Variants in GUF1 observed in about 807,000 individuals in gnomAD.
GUF1 encodes the protein GTP binding elongation factor GUF1, also known as translation factor GUF1, mitochondrial.
A neutral mutation model predicts 82.4 loss-of-function variants in GUF1; 78 were observed. That is an observed-to-expected ratio of 0.95 (90% CI 0.79 to 1.14). The LOEUF is 1.14. GUF1 is among the 50% of genes most tolerant of loss of function. GUF1 has a pLI of 0.00. For synonymous variants in GUF1, 279 were observed against 282.3 expected (o/e 0.99, Z 0.12); for missense variants, 814 against 798.2 (o/e 1.02, Z -0.24).
intron 13 of GUF1, among the ~76,000 whole-genome samples, chr4:44,693,244 T>C (rs571439590): frequency 1.1e-4 from 17 of 152,064 alleles, no homozygotes; most frequent in Non-Finnish European, 2.1e-4. Context: ...AAGGAAACAC[T>C]AGAATACCTA....
intron 15 of GUF1, 27 bp downstream of exon 15, chr4:44,695,761 G>T: frequency 6.2e-7 from 1 of 1,603,072 alleles, no homozygotes; most frequent in Non-Finnish European, 8.5e-7. Flanking sequence ...TTTTGGTCTT[G>T]AGCCAGTTTC....
At chr4:44,697,485 T>A in intron 16 of GUF1, 41 bp downstream of exon 16, 1 of 1,141,678 alleles carries the variant, frequency 8.8e-7, no homozygotes, top group Non-Finnish European at 1.3e-6. Flanking sequence ...ATAACTTTTA[T>A]GGGCTTTAAA....
intron 7 of GUF1, 113 bp downstream of exon 7, chr4:44,686,136 G>A (rs1285696564): frequency 2.7e-6 from 2 of 746,102 alleles, no homozygotes; most frequent in Non-Finnish European, 4.6e-6. Context: ...CTTAATGGAT[G>A]TGGCAAATAT....
intron 9 of GUF1, 84 bp from the exon 10 acceptor site, chr4:44,689,202 T>G: frequency 8.1e-7 from 1 of 1,230,262 alleles, no homozygotes; most frequent in African/African-American, 1.5e-5. Context: ...ATGACTAATT[T>G]GGAACTTGGC....
chr4:44,686,371 A>T (rs1045414088), intron 7 of GUF1, 139 bp from the exon 8 acceptor site: 12 of 503,708 alleles, frequency 2.4e-5, no homozygotes, highest in African/African-American at 7.8e-5. Context: ...AATATATTTT[A>T]TAAAAAGGTC....
rs1714561173 is a variant in GUF1, at chr4:44,678,542, C to T, written c.-81C>T. On this transcript the variant is annotated 5_prime_UTR_variant, in exon 1 of 17. The change creates a new upstream start codon in the 5' untranslated region. Transcript: ENST00000281543. Reference sequence around the variant, plus strand: ...TTTGAGTCCTGTCCACCGGATCCTACGGGGGGTACCTTCGAAAAAAAACGG... The same window carrying T: ...TTTGAGTCCTGTCCACCGGATCCTATGGGGGGTACCTTCGAAAAAAAACGG... 2 of 1,156,586 alleles carry T rather than the reference C, an allele frequency of 1.7e-6. No individual in the cohort carries two copies. The highest frequency in any genetic ancestry group is 4.3e-5 in the South Asian group (2 of 47,042). The allele number at this position is 1,156,586 out of a possible 1,614,324, so 71.6% of individuals were successfully genotyped here.
Position 44,696,531 on chromosome 4 carries a change from C to A in GUF1, c.1835+797C>A, listed in dbSNP as rs930202567. ...TTCCCATTTCCTTTCCTTAATGATC[C>A]TAAGACTTCTAGGAAATAGGAAGTA... On this transcript the variant is annotated intron_variant, in intron 15 of 16. Transcript: ENST00000281543. 2.0e-5 allele frequency among the ~76,000 whole-genome samples: 3 copies of A among 152,108 alleles called. No homozygotes were observed. In the East Asian group the frequency reaches 5.8e-4, roughly 29 times the overall value.
chr4:44,700,693 C>T lies in GUF1; in HGVS notation c.*2012C>T, dbSNP rs1446263412. 6.6e-6 allele frequency: 1 copy of T among 152,148 alleles called. No homozygotes were observed. Among genetic ancestry groups the T allele is most frequent in the African/African-American group, 2.4e-5 (1 of 41,420 alleles). 9.4% of individuals were successfully genotyped at this position (152,148 alleles called of 1,614,324 possible). On this transcript the variant is annotated 3_prime_UTR_variant, in exon 17 of 17. Coordinates refer to ENST00000281543, the MANE Select transcript of GUF1 (RefSeq NM_021927.3). ...CTTTCTAAACTGACTTGAGAGCTGT[C>T]TCAGATATTTTGAGCTTACAGTTAT...
chr4:44,680,454 T>C lies in GUF1; in HGVS notation c.179T>C (p.Met60Thr), dbSNP rs1417096849. 1.3e-6 allele frequency: 2 copies of C among 1,590,872 alleles called. No individual in the cohort carries two copies. Among genetic ancestry groups the C allele is most frequent in the South Asian group, 2.3e-5 (2 of 88,440 alleles). The change falls in exon 2 of 17, where the codon ATG becomes ACG. Residue 60 changes from methionine (M) to threonine (T), a missense_variant. By Grantham distance (81) the Met-to-Thr change is moderately conservative. Coordinates refer to ENST00000281543, the MANE Select transcript of GUF1 (RefSeq NM_021927.3). The part of the protein sequence containing the change: ...SSAEFKEKLD[M>T]SRFPVENIRN... ...TCCCCTTTCTAGGAAAAACTTGACA[T>C]GTCTAGGTTTCCTGTTGAAAATATT...
rs1053870959 is a variant in GUF1, at chr4:44,678,614, G to A, written c.-9G>A. On this transcript the variant is annotated 5_prime_UTR_variant, in exon 1 of 17. Transcript: ENST00000281543. ...GGTACCCTCTCCTGACGCCTCCGCC[G>A]CCCGGGTCATGTGGACCCTCGTGGG... The A allele has an allele frequency of 1.4e-6, 2 of 1,446,982 alleles. No individual in the cohort carries two copies. Among genetic ancestry groups the A allele is most frequent in the Non-Finnish European group, 1.8e-6 (2 of 1,109,728 alleles). The allele number at this position is 1,446,982 out of a possible 1,614,324, so 89.6% of individuals were successfully genotyped here.
rs969904120 is a variant in GUF1, at chr4:44,700,008, G to T, written c.*1327G>T. Reference sequence around the variant, plus strand: ...CAGCTCCCATGTTTATTCAGCCAACGAACAAACCAGACTGCAGACTGTATT... The same window carrying T: ...CAGCTCCCATGTTTATTCAGCCAACTAACAAACCAGACTGCAGACTGTATT... On this transcript the variant is annotated 3_prime_UTR_variant, in exon 17 of 17. Transcript: ENST00000281543. 4.6e-5 allele frequency: 7 copies of T among 152,164 alleles called. No individual in the cohort carries two copies. The highest frequency in any genetic ancestry group is 1.7e-4 in the African/African-American group (7 of 41,428). The allele number at this position is 152,164 out of a possible 1,614,324, so 9.4% of individuals were successfully genotyped here.
chr4:44,678,845 C>G, intron 1 of GUF1, 58 bp downstream of exon 1: 1 of 1,482,068 alleles, frequency 6.7e-7, no homozygotes, highest in Non-Finnish European at 9.0e-7. Context: ...GTGCCCCATG[C>G]GATCTTGGAC....
intron 9 of GUF1, among the ~76,000 whole-genome samples, chr4:44,689,003 TC>T (rs1715242647): frequency 1.8e-5 from 2 of 111,584 alleles, no homozygotes; most frequent in African/African-American, 5.6e-5. Flanking sequence ...TAGGCCTAAT[TC>T]CCATGTTTTT....
chr4:44,694,764 A>G (rs910537676), intron 14 of GUF1, among the ~76,000 whole-genome samples: 2 of 151,582 alleles, frequency 1.3e-5, no homozygotes, highest in Non-Finnish European at 2.9e-5. Flanking sequence ...AGTTTTAAAC[A>G]TTTTATAATG....
In GUF1 at chr4:44,686,692, A is replaced by T; in HGVS notation, c.917A>T (p.Asn306Ile). Residue 306 changes from asparagine (N) to isoleucine (I), a missense_variant, in exon 8 of 17, where the codon AAT becomes ATT. Coordinates refer to ENST00000281543, the MANE Select transcript of GUF1 (RefSeq NM_021927.3). ...EVNEVGVLNP[N>I]EQPTHKLYAG... ...AATGAAGTAGGAGTCTTGAATCCTA[A>T]TGAGCAGCCAACTCATAAATTGTAA... is the stretch of plus-strand genomic sequence containing the variant. 1 of 1,605,694 alleles carries T rather than the reference A, an allele frequency of 6.2e-7. No homozygotes were observed. Among genetic ancestry groups the T allele is most frequent in the Non-Finnish European group, 8.5e-7 (1 of 1,172,878 alleles).
At chr4:44,692,967 TGTC>T (rs567019748) in intron 13 of GUF1, among the ~76,000 whole-genome samples, 92 of 152,160 alleles carry the variant, frequency 6.0e-4, no homozygotes, top group East Asian at 2.3e-3. Context: ...TAAAAAGCCT[TGTC>T]GTTTGGAAAC....
intron 5 of GUF1, chr4:44,682,691 C>G (rs759884337): frequency 9.2e-5 from 20 of 218,236 alleles, no homozygotes; most frequent in Non-Finnish European, 1.4e-4. Flanking sequence ...TCAGATTAAA[C>G]CATACATAGG....
At position 44,695,694 on chromosome 4, in the gene GUF1, A is replaced by G. The variant is rs746347761; in HGVS notation, c.1795A>G (p.Ile599Val). 2.5e-6 allele frequency: 4 copies of G among 1,613,224 alleles called. No individual in the cohort carries two copies. Among genetic ancestry groups the G allele is most frequent in the Non-Finnish European group, 3.4e-6 (4 of 1,179,496 alleles). The change falls in exon 15 of 17, where the codon ATT becomes GTT. Residue 599 changes from isoleucine to valine, a missense_variant. Coordinates refer to ENST00000281543, the MANE Select transcript of GUF1 (RefSeq NM_021927.3). ...TCCTAGGCAACTGTTTGAGATAGCA[A>G]TTCAAGCTGCTATTGGAAGTAAAAT... ...SLPRQLFEIA[I>V]QAAIGSKIIA...
chr4:44,680,342 G>T, intron 1 of GUF1, 99 bp from the exon 2 acceptor site: 2 of 584,828 alleles, frequency 3.4e-6, no homozygotes, highest in Non-Finnish European at 3.0e-6. Flanking sequence ...TGCTAGAAAT[G>T]ATATTGTTCA....
Sources: allele counts gnomAD v4.1 joint callset (sites outside exome capture counted in the v4.1 genomes callset), GRCh38; gene constraint gnomAD v4.1.1; transcripts MANE v1.5; gene names NCBI Gene and HGNC (gene_info 2026-07-23, HGNC 2026-07-21).